MOB3B: variants seen among roughly 807,000 people sequenced by gnomAD.
The protein encoded by MOB3B is MOB kinase activator-like 2B.
A neutral mutation model predicts 18.7 loss-of-function variants in MOB3B; 7 were observed. The observed-to-expected ratio is 0.37, with a 90% CI of 0.21 to 0.70. MOB3B has a LOEUF of 0.70. Among genes scored for constraint, MOB3B ranks in the 30% least tolerant of loss-of-function variants. The probability of loss-of-function intolerance (pLI) is 0.52; values close to 1 mark genes in which losing one functional copy is unlikely to be tolerated. For missense variants in MOB3B, 253 were observed against 281.3 expected, an observed-to-expected ratio of 0.90 and a Z score of 0.72; for synonymous variants, 111 against 99.9, an observed-to-expected ratio of 1.11 and a Z score of -0.66.
intron 1 of MOB3B, among the ~76,000 whole-genome samples, chr9:27,504,402 G>C (rs995171303): frequency 6.6e-6 from 1 of 152,190 alleles, no homozygotes; most frequent in Non-Finnish European, 1.5e-5. Context: ...AGATATTATA[G>C]TAGTAACTGA....
intron 2 of MOB3B, among the ~76,000 whole-genome samples, chr9:27,446,231 T>A (rs34988389): frequency 0.18 from 19,236 of 105,004 alleles, 1,286 homozygotes; most frequent in African/African-American, 0.27. Flanking sequence ...TTTTTGGGAA[T>A]ACATCTTTTT....
At chr9:27,336,575 A>G (rs375884977) in intron 3 of MOB3B, among the ~76,000 whole-genome samples, 49 of 152,260 alleles carry the variant, frequency 3.2e-4, no homozygotes, top group African/African-American at 1.1e-3. Flanking sequence ...TCCTGCCCCT[A>G]GTAACCACCA....
At chr9:27,518,239 CAA>C (rs138566926) in intron 1 of MOB3B, among the ~76,000 whole-genome samples, 3,670 of 152,252 alleles carry the variant, frequency 0.024, 126 homozygotes, top group African/African-American at 0.082. Flanking sequence ...TTACCCAAGA[CAA>C]GAGGACATTT....
intron 2 of MOB3B, among the ~76,000 whole-genome samples, chr9:27,359,972 G>A (rs1019644447): frequency 6.6e-6 from 1 of 152,114 alleles, no homozygotes; most frequent in African/African-American, 2.4e-5. Context: ...GGGTTCCTAA[G>A]CTAAACAGAC....
At chr9:27,452,206 G>A (rs551160687) in intron 2 of MOB3B, among the ~76,000 whole-genome samples, 4 of 151,644 alleles carry the variant, frequency 2.6e-5, no homozygotes, top group African/African-American at 9.7e-5. Flanking sequence ...CCACCCACCC[G>A]TCCATCCATC....
chr9:27,411,433 C>T (rs1183702818), intron 2 of MOB3B, among the ~76,000 whole-genome samples: 3 of 152,134 alleles, frequency 2.0e-5, no homozygotes, highest in Admixed American at 6.5e-5. Flanking sequence ...AGATCAGAGG[C>T]CAGAGTGAGG....
intron 2 of MOB3B, among the ~76,000 whole-genome samples, chr9:27,376,025 A>T (rs1587165559): frequency 6.6e-6 from 1 of 152,206 alleles, no homozygotes; most frequent in East Asian, 1.9e-4. Context: ...AATCACTGGT[A>T]ATATTTTGTT....
chr9:27,344,134 GA>G (rs557866390), intron 3 of MOB3B, among the ~76,000 whole-genome samples: 3 of 151,514 alleles, frequency 2.0e-5, no homozygotes, highest in Non-Finnish European at 4.4e-5. Flanking sequence ...ATCCATTTTA[GA>G]AAAAAAATTC....
chr9:27,453,141 C>T (rs1822814978), intron 2 of MOB3B, among the ~76,000 whole-genome samples: 1 of 151,926 alleles, frequency 6.6e-6, no homozygotes, highest in Non-Finnish European at 1.5e-5. Context: ...TAACGTTTTC[C>T]AAAAGATGCT....
intron 2 of MOB3B, among the ~76,000 whole-genome samples, chr9:27,406,049 A>G (rs778630337): frequency 2.0e-4 from 31 of 152,220 alleles, no homozygotes; most frequent in Non-Finnish European, 4.3e-4. Flanking sequence ...CTTTTACTCA[A>G]CAGAGTACTG....
chr9:27,379,188 C>T (rs144822008), intron 2 of MOB3B, among the ~76,000 whole-genome samples: 2,674 of 152,268 alleles, frequency 0.018, 36 homozygotes, highest in Admixed American at 0.048. Flanking sequence ...GTTACCATCT[C>T]CTGCATTGCT....
chr9:27,494,703 C>T (rs1443602684), intron 1 of MOB3B, among the ~76,000 whole-genome samples: 3 of 152,014 alleles, frequency 2.0e-5, no homozygotes, highest in Non-Finnish European at 2.9e-5. Flanking sequence ...TTAATAGAGA[C>T]GGGGTTTCAC....
intron 2 of MOB3B, among the ~76,000 whole-genome samples, chr9:27,387,857 A>C (rs982307906): frequency 6.6e-6 from 1 of 152,100 alleles, no homozygotes; most frequent in Non-Finnish European, 1.5e-5. Context: ...TGGAGAAGAG[A>C]GTTTGTCTCG....
At chr9:27,466,762 C>T (rs763294846) in intron 1 of MOB3B, among the ~76,000 whole-genome samples, 4 of 152,166 alleles carry the variant, frequency 2.6e-5, no homozygotes, top group African/African-American at 7.2e-5. Flanking sequence ...GACTTATTCA[C>T]TATCACAAGA....
chr9:27,446,323 C>T (rs537910236), intron 2 of MOB3B, among the ~76,000 whole-genome samples: 56 of 152,108 alleles, frequency 3.7e-4, no homozygotes, highest in Non-Finnish European at 6.0e-4. Context: ...TACTTTATAC[C>T]GAATGTTATG....
At chr9:27,420,949 G>C (rs1822240752) in intron 2 of MOB3B, 1 of 134,154 alleles carries the variant, frequency 7.5e-6, no homozygotes, top group Non-Finnish European at 1.7e-5. Flanking sequence ...TGGAAAAAAA[G>C]AAAATAGAAA....
At position 27,490,494 on chromosome 9, in the gene MOB3B, T is replaced by A. The variant is rs1467945659; in HGVS notation, c.-198-34746A>T. The stretch of plus-strand genomic sequence containing the variant: ...TCCCACAGGAGATGAGATTTGAATG[T>A]GGGCCATTTAAAGATGAATAGGAAT... On this transcript the variant is annotated intron_variant, in intron 1 of 3. Transcript: ENST00000262244. 5.9e-5 allele frequency among the ~76,000 whole-genome samples: 9 copies of A among 152,190 alleles called. No individual in the cohort carries two copies. In the East Asian group the frequency reaches 1.7e-3, roughly 29 times the overall value.
chr9:27,508,697 G>T (rs1366072514), intron 1 of MOB3B, among the ~76,000 whole-genome samples: 1 of 152,130 alleles, frequency 6.6e-6, no homozygotes, highest in Non-Finnish European at 1.5e-5. Flanking sequence ...TCTCAGACAG[G>T]CAGGCAAAAG....
chr9:27,428,832 T>A (rs1822376702), intron 2 of MOB3B, among the ~76,000 whole-genome samples: 1 of 152,148 alleles, frequency 6.6e-6, no homozygotes, highest in African/African-American at 2.4e-5. Flanking sequence ...AGGGACTGGG[T>A]GGGTTGCTTT....
Sources: gnomAD v4.1 joint callset for allele counts (sites outside exome capture counted in the v4.1 genomes callset) on GRCh38, gnomAD v4.1.1 for gene constraint, MANE v1.5 for transcripts, NCBI Gene and HGNC (gene_info 2026-07-23, HGNC 2026-07-21) for gene names.